Variants in NRG1 observed in about 807,000 individuals in gnomAD.
The protein encoded by NRG1 is pro-neuregulin-1, membrane-bound isoform.
Under a neutral mutation model 63.8 loss-of-function variants are expected in NRG1, and 18 were observed. That is an observed-to-expected ratio of 0.28 (90% CI 0.19 to 0.42). The LOEUF is 0.42. Ranked by LOEUF, NRG1 falls within the 10% of genes least tolerant of loss-of-function variation. NRG1 has a pLI of 1.00. For synonymous variants in NRG1, 302 were observed against 301.3 expected, an observed-to-expected ratio of 1.00 and a Z score of -0.02; for missense variants, 762 against 814.7, an observed-to-expected ratio of 0.94 and a Z score of 0.79.
Position 32,476,639 on chromosome 8 carries a change from G to A in NRG1, c.38-119189G>A, listed in dbSNP as rs184623804. Among the ~76,000 whole-genome samples, 87 of 152,176 alleles carry A rather than the reference G, an allele frequency of 5.7e-4. No homozygotes were observed. In the East Asian group the frequency reaches 0.015, roughly 27 times the overall value. ...TGTTGGGTAGAACAGACTCTTTTTG[G>A]CAACTCATGAGAATTGCCAATGATC... On this transcript the variant is annotated intron_variant, in intron 1 of 10. Transcript: ENST00000519301.
At chr8:32,498,592 C>CA (rs1554561789) in intron 1 of NRG1, among the ~76,000 whole-genome samples, 1 of 151,694 alleles carries the variant, frequency 6.6e-6, no homozygotes, top group Non-Finnish European at 1.5e-5. Flanking sequence ...CAGCCCCCAT[C>CA]GTTCAATTAC....
At chr8:31,825,320 G>A (rs951846104) in intron 1 of NRG1, among the ~76,000 whole-genome samples, 21 of 151,782 alleles carry the variant, frequency 1.4e-4, no homozygotes, top group Non-Finnish European at 2.1e-4. Flanking sequence ...CCCGGGAGGC[G>A]CAGCTTGCAG....
intron 5 of NRG1, among the ~76,000 whole-genome samples, chr8:32,704,548 T>G (rs2128967438): frequency 6.6e-6 from 1 of 152,292 alleles, no homozygotes; most frequent in East Asian, 1.9e-4. Context: ...AAAGGCATAG[T>G]TAAAAATCTG....
At chr8:32,114,262 A>G (rs1188002892) in intron 1 of NRG1, among the ~76,000 whole-genome samples, 8 of 152,210 alleles carry the variant, frequency 5.3e-5, no homozygotes, top group Admixed American at 5.2e-4. Flanking sequence ...TCCCTGCAAC[A>G]TCTTTCTCCT....
intron 1 of NRG1, among the ~76,000 whole-genome samples, chr8:32,389,823 C>T (rs1014262586): frequency 2.0e-5 from 3 of 150,990 alleles, no homozygotes; most frequent in Admixed American, 6.6e-5. Context: ...TGCAGTGGCG[C>T]GATCTCAGCT....
chr8:32,722,043 G>A, intron 5 of NRG1: 1 of 1,545,334 alleles, frequency 6.5e-7, no homozygotes, highest in Non-Finnish European at 8.7e-7. Flanking sequence ...GATATTACAG[G>A]TAAGGTTAAA....
chr8:32,170,536 T>G (rs16878927), intron 1 of NRG1, among the ~76,000 whole-genome samples: 5,374 of 152,310 alleles, frequency 0.035, 156 homozygotes, highest in African/African-American at 0.071. Context: ...GAATTAGCCC[T>G]GACTCTAGAG....
chr8:32,006,227 T>A (rs904657618), intron 1 of NRG1, among the ~76,000 whole-genome samples: 1 of 152,072 alleles, frequency 6.6e-6, no homozygotes, highest in Non-Finnish European at 1.5e-5. Context: ...GATTTGTAGA[T>A]GTAAACACTA....
intron 2 of NRG1, among the ~76,000 whole-genome samples, chr8:32,601,724 GTTTT>G (rs544368306): frequency 1.3e-5 from 2 of 151,336 alleles, no homozygotes; most frequent in African/African-American, 2.4e-5. Flanking sequence ...CTTTAATTAT[GTTTT>G]TTTATCATCA....
intron 1 of NRG1, among the ~76,000 whole-genome samples, chr8:32,353,861 T>C (rs1362777927): frequency 6.6e-6 from 1 of 152,194 alleles, no homozygotes; most frequent in Admixed American, 6.5e-5. Flanking sequence ...TACAAAGACT[T>C]GTATGTAAAT....
chr8:32,422,327 A>G (rs1435871569), intron 1 of NRG1, among the ~76,000 whole-genome samples: 3 of 152,196 alleles, frequency 2.0e-5, no homozygotes, highest in Non-Finnish European at 4.4e-5. Context: ...CTTTTCTAAC[A>G]TACTCCTCAC....
At chr8:31,985,406 G>A (rs1809891404) in intron 1 of NRG1, among the ~76,000 whole-genome samples, 1 of 152,028 alleles carries the variant, frequency 6.6e-6, no homozygotes, top group Admixed American at 6.6e-5. Context: ...TCTTTCAGTT[G>A]AATACACCCA....
At chr8:32,522,199 C>G (rs1237028674) in intron 1 of NRG1, among the ~76,000 whole-genome samples, 1 of 152,172 alleles carries the variant, frequency 6.6e-6, no homozygotes, top group Non-Finnish European at 1.5e-5. Context: ...GAGAGCCACG[C>G]TGTCTTGCTC....
chr8:32,531,404 A>AT (rs373724821), intron 1 of NRG1, among the ~76,000 whole-genome samples: 1 of 151,998 alleles, frequency 6.6e-6, no homozygotes. Flanking sequence ...TTTCTTTTTC[A>AT]TTTTTTCCCT....
At chr8:31,965,575 G>A (rs986727607) in intron 1 of NRG1, among the ~76,000 whole-genome samples, 1 of 152,152 alleles carries the variant, frequency 6.6e-6, no homozygotes, top group Admixed American at 6.5e-5. Flanking sequence ...ATACCCAGTA[G>A]TGGTATTGCT....
chr8:32,221,353 T>G (rs1189821943), intron 1 of NRG1, among the ~76,000 whole-genome samples: 1 of 152,250 alleles, frequency 6.6e-6, no homozygotes, highest in East Asian at 1.9e-4. Flanking sequence ...ACCCGCTTCG[T>G]TTTCCCTCTA....
chr8:32,238,903 A>G (rs974039729), intron 1 of NRG1, among the ~76,000 whole-genome samples: 3 of 152,136 alleles, frequency 2.0e-5, no homozygotes, highest in Admixed American at 2.0e-4. Flanking sequence ...GAACAGGGAG[A>G]TGCTATTTAC....
intron 1 of NRG1, among the ~76,000 whole-genome samples, chr8:32,183,920 C>G (rs1841696942): frequency 6.6e-6 from 1 of 152,120 alleles, no homozygotes; most frequent in Admixed American, 6.5e-5. Flanking sequence ...TTGGGGCATT[C>G]ACAATTATTT....
At chr8:31,964,604 G>A (rs1806012129) in intron 1 of NRG1, among the ~76,000 whole-genome samples, 1 of 152,206 alleles carries the variant, frequency 6.6e-6, no homozygotes, top group East Asian at 1.9e-4. Flanking sequence ...GGTCTAGGCT[G>A]CAGTGAGCCA....
Sources: gnomAD v4.1 joint callset for allele counts (sites outside exome capture counted in the v4.1 genomes callset) on GRCh38, gnomAD v4.1.1 for gene constraint, MANE v1.5 for transcripts, NCBI Gene and HGNC (gene_info 2026-07-23, HGNC 2026-07-21) for gene names.